The following DLGAP1 variants were observed in gnomAD, a reference collection of about 807,000 sequenced individuals.
DLGAP1 encodes DLG associated protein 1, also known as disks large-associated protein 1.
Under a neutral mutation model 90.8 loss-of-function variants are expected in DLGAP1, and 11 were observed. That is an observed-to-expected ratio of 0.12 (90% CI 0.08 to 0.20). The LOEUF is 0.20. Ranked by LOEUF, DLGAP1 falls within the 10% of genes least tolerant of loss-of-function variation. DLGAP1 has a pLI of 1.00. For synonymous variants in DLGAP1, 558 were observed against 540.7 expected (o/e 1.03, Z -0.44); for missense variants, 1,050 against 1,333.8 (o/e 0.79, Z 3.31).
intron 1 of DLGAP1, among the ~76,000 whole-genome samples, chr18:4,182,455 C>T (rs184892240): frequency 1.3e-5 from 2 of 152,088 alleles, no homozygotes; most frequent in African/African-American, 4.8e-5. Context: ...TTTCCTTCCC[C>T]CACCTTGTGG....
At chr18:4,264,044 G>A (rs1455055357) in intron 1 of DLGAP1, among the ~76,000 whole-genome samples, 1 of 152,174 alleles carries the variant, frequency 6.6e-6, no homozygotes, top group African/African-American at 2.4e-5. Flanking sequence ...AGTCATATGT[G>A]CTTTGTTAAA....
intron 2 of DLGAP1, among the ~76,000 whole-genome samples, chr18:4,022,739 C>G (rs1208381179): frequency 1.3e-5 from 2 of 151,828 alleles, no homozygotes; most frequent in African/African-American, 4.8e-5. Context: ...TGTATCCACA[C>G]TAAATGTCAG....
At chr18:3,930,644 TG>T (rs2072496000) in intron 3 of DLGAP1, among the ~76,000 whole-genome samples, 2 of 152,132 alleles carry the variant, frequency 1.3e-5, no homozygotes, top group African/African-American at 2.4e-5. Flanking sequence ...AGGTGCTCCA[TG>T]GGCATTGCTC....
At chr18:3,937,720 GT>G (rs1202351539) in intron 3 of DLGAP1, among the ~76,000 whole-genome samples, 1 of 152,154 alleles carries the variant, frequency 6.6e-6, no homozygotes, top group Admixed American at 6.5e-5. Flanking sequence ...AGCTTATGCT[GT>G]TTCCTTATAG....
chr18:3,573,736 C>T (rs2054945863), intron 8 of DLGAP1, among the ~76,000 whole-genome samples: 2 of 151,948 alleles, frequency 1.3e-5, no homozygotes, highest in African/African-American at 4.8e-5. Context: ...CAGAGGGTTT[C>T]TGTCATCCAA....
intron 3 of DLGAP1, among the ~76,000 whole-genome samples, chr18:3,988,548 T>G (rs1324640431): frequency 6.6e-6 from 1 of 152,112 alleles, no homozygotes; most frequent in African/African-American, 2.4e-5. Flanking sequence ...ATCCCTTGCA[T>G]GCACAGTTCA....
intron 7 of DLGAP1, among the ~76,000 whole-genome samples, chr18:3,621,194 C>A (rs1367434992): frequency 1.3e-5 from 2 of 152,148 alleles, no homozygotes; most frequent in Non-Finnish European, 2.9e-5. Flanking sequence ...GATTATTATA[C>A]CTGCCCTGAC....
chr18:3,999,308 T>C (rs1339905197), intron 3 of DLGAP1, among the ~76,000 whole-genome samples: 7 of 152,156 alleles, frequency 4.6e-5, no homozygotes, highest in African/African-American at 1.7e-4. Context: ...AAAGTTTATA[T>C]GTATATAACC....
At chr18:3,871,492 C>T (rs1206396331) in intron 4 of DLGAP1, among the ~76,000 whole-genome samples, 2 of 151,910 alleles carry the variant, frequency 1.3e-5, no homozygotes, top group South Asian at 2.1e-4. Context: ...ATCTTGCAAG[C>T]GTATATTAAA....
chr18:3,710,069 T>G (rs1463265304), intron 7 of DLGAP1, among the ~76,000 whole-genome samples: 1 of 152,184 alleles, frequency 6.6e-6, no homozygotes, highest in Non-Finnish European at 1.5e-5. Context: ...GAGGAAGTGA[T>G]TCTTCCTGTG....
At chr18:4,281,809 C>T (rs2079558937) in intron 1 of DLGAP1, among the ~76,000 whole-genome samples, 1 of 152,202 alleles carries the variant, frequency 6.6e-6, no homozygotes, top group Non-Finnish European at 1.5e-5. Context: ...GAGACACATA[C>T]ACATATAAAA....
At chr18:4,350,073 T>C (rs2081376395) in intron 1 of DLGAP1, among the ~76,000 whole-genome samples, 1 of 152,154 alleles carries the variant, frequency 6.6e-6, no homozygotes, top group Non-Finnish European at 1.5e-5. Context: ...CACTTCTTCA[T>C]AAAACAACAG....
chr18:4,344,361 A>G (rs909270424), intron 1 of DLGAP1, among the ~76,000 whole-genome samples: 1 of 152,208 alleles, frequency 6.6e-6, no homozygotes, highest in Admixed American at 6.5e-5. Flanking sequence ...CAGATTTGAG[A>G]TGATAAAATT....
At chr18:3,779,011 C>T (rs148541865) in intron 5 of DLGAP1, among the ~76,000 whole-genome samples, 2 of 152,120 alleles carry the variant, frequency 1.3e-5, no homozygotes, top group Non-Finnish European at 2.9e-5. Context: ...CTAGGTCATC[C>T]CCCCACGACC....
intron 1 of DLGAP1, among the ~76,000 whole-genome samples, chr18:4,181,687 T>C (rs2077210199): frequency 6.6e-6 from 1 of 151,996 alleles, no homozygotes; most frequent in Admixed American, 6.6e-5. Flanking sequence ...TAAGTGTCTT[T>C]GGATTTCTTC....
intron 8 of DLGAP1, among the ~76,000 whole-genome samples, chr18:3,572,050 T>C (rs1205704436): frequency 6.6e-6 from 1 of 151,494 alleles, no homozygotes; most frequent in East Asian, 1.9e-4. Context: ...TCTAATGGAT[T>C]TTCAGTGGTT....
chr18:4,240,323 C>G (rs990904242), intron 1 of DLGAP1, among the ~76,000 whole-genome samples: 9 of 151,978 alleles, frequency 5.9e-5, no homozygotes, highest in African/African-American at 2.2e-4. Context: ...TATAATTTAT[C>G]AGTAAGAATG....
intron 1 of DLGAP1, among the ~76,000 whole-genome samples, chr18:4,291,273 A>G (rs1254244142): frequency 2.0e-5 from 3 of 152,214 alleles, no homozygotes; most frequent in East Asian, 1.9e-4. Flanking sequence ...CTTTGTACAA[A>G]TAAGTACAGG....
chr18:3,555,365 A>G (rs1346905925), intron 9 of DLGAP1, among the ~76,000 whole-genome samples: 4 of 152,178 alleles, frequency 2.6e-5, no homozygotes, highest in Non-Finnish European at 4.4e-5. Context: ...TAAATATTTT[A>G]CTCAGTTTAC....
Sources: allele counts gnomAD v4.1 joint callset (sites outside exome capture counted in the v4.1 genomes callset), GRCh38; gene constraint gnomAD v4.1.1; transcripts MANE v1.5; gene names NCBI Gene and HGNC (gene_info 2026-07-23, HGNC 2026-07-21).